SCUBE3: variants seen among roughly 807,000 people sequenced by gnomAD.
The protein encoded by SCUBE3 is signal peptide, CUB and EGF-like domain-containing protein 3.
Under a neutral mutation model 116.8 loss-of-function variants are expected in SCUBE3, and 33 were observed. The ratio of observed to expected loss-of-function variants is 0.28; its 90% CI spans 0.21 to 0.38. The LOEUF (loss-of-function observed/expected upper bound fraction) is 0.38, where lower values mean the gene tolerates loss of function less well. Ranked by LOEUF, SCUBE3 falls within the 10% of genes least tolerant of loss-of-function variation. The pLI is 1.00. For missense variants in SCUBE3, 1,007 were observed against 1,324.8 expected, an observed-to-expected ratio of 0.76 and a Z score of 3.72; for synonymous variants, 418 against 496.9, an observed-to-expected ratio of 0.84 and a Z score of 2.11.
intron 6 of SCUBE3, among the ~76,000 whole-genome samples, chr6:35,237,562 C>T (rs1300280113): frequency 2.6e-5 from 4 of 152,160 alleles, no homozygotes; most frequent in Non-Finnish European, 5.9e-5. Context: ...CCTCACTTAG[C>T]TCCCATCCCT....
At position 35,235,540 on chromosome 6, in the gene SCUBE3, G is replaced by C. The variant is rs562474223; in HGVS notation, c.712+2239G>C. 8.7e-7 allele frequency: 1 copy of C among 1,144,738 alleles called. No homozygotes were observed. Among genetic ancestry groups the C allele is most frequent in the African/African-American group, 1.6e-5 (1 of 63,568 alleles). 70.9% of individuals were successfully genotyped at this position (1,144,738 alleles called of 1,614,324 possible). On this transcript the variant is annotated intron_variant, in intron 6 of 21. Transcript: ENST00000274938. The surrounding 1 kb of genome is among the most constrained non-coding windows in gnomAD (Gnocchi z 4.5). ...GCTTGCTCTCACTGGCTTGCTAGGG[G>C]AAGGGCTAACCCGCTGGGGCTCCCA...
At chr6:35,247,729 C>G (rs1031168526) in intron 21 of SCUBE3, among the ~76,000 whole-genome samples, 2 of 152,140 alleles carry the variant, frequency 1.3e-5, no homozygotes, top group Non-Finnish European at 2.9e-5. Flanking sequence ...AGGCTGAAAC[C>G]CCTACTTCTT....
At position 35,228,064 on chromosome 6, in the gene SCUBE3, G is replaced by T. The variant is rs1783398155; in HGVS notation, c.208+362G>T. On this transcript the variant is annotated intron_variant, in intron 2 of 21. Coordinates refer to ENST00000274938, the MANE Select transcript of SCUBE3 (RefSeq NM_152753.4). The surrounding 1 kb of genome is among the most constrained non-coding windows in gnomAD (Gnocchi z 4.9). Reference sequence around the variant, plus strand: ...TGGGAACAGAAAGTGTGCTTCAGAGGAAGTTCATAATGTAAACACATCTTC... The same window carrying T: ...TGGGAACAGAAAGTGTGCTTCAGAGTAAGTTCATAATGTAAACACATCTTC... Among the ~76,000 whole-genome samples, 1 of 152,196 alleles carries T rather than the reference G, an allele frequency of 6.6e-6. No homozygotes were observed. The highest frequency in any genetic ancestry group is 1.5e-5 in the Non-Finnish European group (1 of 68,040).
In SCUBE3 at chr6:35,241,975, C is replaced by T. The variant is rs74735155; in HGVS notation, c.1417+65C>T. 2.0e-3 allele frequency: 2,310 copies of T among 1,176,260 alleles called. 9 individuals carry two copies. Among genetic ancestry groups the T allele is most frequent in the Non-Finnish European group, 2.5e-3 (1,953 of 790,678 alleles). The allele number at this position is 1,176,260 out of a possible 1,614,324, so 72.9% of individuals were successfully genotyped here. A position where few individuals can be genotyped will look rare whatever the true frequency, so the allele number is the denominator to read the frequency against. Reference sequence around the variant, plus strand: ...CTTACATTAATCCCTTATTTTTGTTCTTCATCAATCCCCTGGCCTTCCTTT... The same window carrying T: ...CTTACATTAATCCCTTATTTTTGTTTTTCATCAATCCCCTGGCCTTCCTTT... On this transcript the variant is annotated intron_variant, in intron 12 of 21. Transcript: ENST00000274938. The surrounding 1 kb of genome is among the most constrained non-coding windows in gnomAD (Gnocchi z 4.1).
chr6:35,231,878 A>T lies in SCUBE3; in HGVS notation c.469+19A>T, dbSNP rs1004142583. 6.3e-7 allele frequency: 1 copy of T among 1,595,512 alleles called. No individual in the cohort carries two copies. Among genetic ancestry groups the T allele is most frequent in the African/African-American group, 1.3e-5 (1 of 74,608 alleles). On this transcript the variant is annotated intron_variant, in intron 4 of 21. Coordinates refer to ENST00000274938, the MANE Select transcript of SCUBE3 (RefSeq NM_152753.4). The surrounding 1 kb of genome is among the most constrained non-coding windows in gnomAD (Gnocchi z 4.2). ...CCAGAAGGTCAGCCCATGACCTGGG[A>T]TGGCCCCATCCCTGCCCTCCCCAGG...
rs777917506 is a variant in SCUBE3, at chr6:35,244,817, T to G, written c.2401+6T>G. On this transcript the variant is annotated splice_donor_region_variant and intron_variant, in intron 18 of 21. Transcript: ENST00000274938. This position sits in a 1 kb window ranked among gnomAD's most constrained non-coding sequence, Gnocchi z 4.3. ...CAGTGTGGCCCAATGCAAGAGTACG[T>G]GGCAAGCCAGGCTGTGCAAAAGGGA... 1.2e-6 allele frequency: 2 copies of G among 1,613,928 alleles called. No individual in the cohort carries two copies.
At position 35,231,813 on chromosome 6, in the gene SCUBE3, C is replaced by T. The variant is rs1581924050; in HGVS notation, c.423C>T (p.Gly141=). The change falls in exon 4 of 22, where the codon GGC becomes GGT. Residue 141 remains glycine, a synonymous_variant. Transcript: ENST00000274938. The surrounding 1 kb of genome is among the most constrained non-coding windows in gnomAD (Gnocchi z 4.2). ...MGSYECHCRE[G]FFLSDNQHTC... is the part of the protein sequence containing the mutation. ...GCTATGAGTGCCACTGCCGGGAAGG[C>T]TTCTTCCTCAGCGACAACCAGCATA... 1.2e-6 allele frequency: 2 copies of T among 1,613,660 alleles called. No individual in the cohort carries two copies.
Position 35,240,293 on chromosome 6 carries a change from G to A in SCUBE3, c.953-81G>A. ...CTTCAGTTCAAGGGGGAAAGCCAAGGCCCCTCACTTGGGTCCTTCACCTGA... is the reference window on the plus strand; with the variant it reads ...CTTCAGTTCAAGGGGGAAAGCCAAGACCCCTCACTTGGGTCCTTCACCTGA... On this transcript the variant is annotated intron_variant, in intron 8 of 21. Coordinates refer to ENST00000274938, the MANE Select transcript of SCUBE3 (RefSeq NM_152753.4). This position sits in a 1 kb window ranked among gnomAD's most constrained non-coding sequence, Gnocchi z 4.6. 1.4e-6 allele frequency: 1 copy of A among 727,964 alleles called. No individual in the cohort carries two copies. The allele number at this position is 727,964 out of a possible 1,614,324, so 45.1% of individuals were successfully genotyped here.
In SCUBE3 at chr6:35,231,518, C is replaced by T. The variant is rs975918893; in HGVS notation, c.335-207C>T. On this transcript the variant is annotated intron_variant, in intron 3 of 21. Transcript: ENST00000274938. This position sits in a 1 kb window ranked among gnomAD's most constrained non-coding sequence, Gnocchi z 4.2. ...TGAGGTTCAAAGGTCCCCTTTTCCC[C>T]CACTTGCTTAGCTTCCCAGCTCTGC... Among the ~76,000 whole-genome samples the T allele has an allele frequency of 1.3e-5, 2 of 152,176 alleles. No individual in the cohort carries two copies. The highest frequency in any genetic ancestry group is 4.8e-5 in the African/African-American group (2 of 41,438).
intron 7 of SCUBE3, among the ~76,000 whole-genome samples, chr6:35,238,815 T>C (rs1783893672): frequency 6.6e-6 from 1 of 152,144 alleles, no homozygotes; most frequent in Admixed American, 6.5e-5. Context: ...ATTAGGTCCA[T>C]ATCCCCTGGT....
chr6:35,226,480 C>CTTTTTTTTTTTTTTTTTTTTTTTTTTTTT (rs764779695), intron 1 of SCUBE3, among the ~76,000 whole-genome samples: 1 of 85,234 alleles, frequency 1.2e-5, no homozygotes, highest in East Asian at 5.0e-4. Context: ...TTTCTATGTC[C>CTTTTTTTTTTTTTTTTTTTTTTTTTTTTT]TTTTTTTTTT....
Position 35,214,551 on chromosome 6 carries a change from C to A in SCUBE3, c.85+48C>A. The stretch of plus-strand genomic sequence containing the variant: ...CCTGGGGGCTGTCCTGGCTGCTGGG[C>A]CTCAGGGCCTAGGAGCGATTCCCGA... On this transcript the variant is annotated intron_variant, in intron 1 of 21. Coordinates refer to ENST00000274938, the MANE Select transcript of SCUBE3 (RefSeq NM_152753.4). The surrounding 1 kb of genome is among the most constrained non-coding windows in gnomAD (Gnocchi z 6.3). The A allele has an allele frequency of 1.6e-6, 2 of 1,256,568 alleles. No individual in the cohort carries two copies. The highest frequency in any genetic ancestry group is 1.5e-5 in the South Asian group (1 of 64,650). 77.8% of individuals were successfully genotyped at this position (1,256,568 alleles called of 1,614,324 possible).
At chr6:35,242,874 C>G (rs1031553218) in intron 14 of SCUBE3, 94 bp downstream of exon 14, 1 of 1,532,832 alleles carries the variant, frequency 6.5e-7, no homozygotes, top group Non-Finnish European at 9.0e-7. Context: ...GGGATGGAGC[C>G]TGTACTAGGG....
Position 35,231,652 on chromosome 6 carries a change from G to A in SCUBE3, c.335-73G>A, listed in dbSNP as rs1783552970. The A allele has an allele frequency of 7.3e-7, 1 of 1,371,886 alleles. No homozygotes were observed. Among genetic ancestry groups the A allele is most frequent in the Admixed American group, 2.0e-5 (1 of 49,520 alleles). The allele number at this position is 1,371,886 out of a possible 1,614,324, so 85.0% of individuals were successfully genotyped here. On this transcript the variant is annotated intron_variant, in intron 3 of 21. Coordinates refer to ENST00000274938, the MANE Select transcript of SCUBE3 (RefSeq NM_152753.4). The surrounding 1 kb of genome is among the most constrained non-coding windows in gnomAD (Gnocchi z 4.2). ...GTAGTAGTTCTTAAGACTGCCTTTGGTGCTGAAGTCTTGGGATATACCCTG... is the reference window on the plus strand; with the variant it reads ...GTAGTAGTTCTTAAGACTGCCTTTGATGCTGAAGTCTTGGGATATACCCTG...
intron 1 of SCUBE3, among the ~76,000 whole-genome samples, chr6:35,215,040 G>A (rs1244685476): frequency 1.3e-5 from 2 of 152,178 alleles, no homozygotes; most frequent in Non-Finnish European, 2.9e-5. Flanking sequence ...ATCTCTCACC[G>A]GATGGTAGGG....
At position 35,223,640 on chromosome 6, in the gene SCUBE3, C is replaced by T. The variant is rs1187273653; in HGVS notation, c.86-3940C>T. On this transcript the variant is annotated intron_variant, in intron 1 of 21. Transcript: ENST00000274938. ...CAGTGTGTAGCCCCAGGGTTGAGAA[C>T]CGCTGGTTTAAACCAGTCCACACCC... The T allele has an allele frequency of 3.9e-5, 6 of 152,178 alleles. No individual in the cohort carries two copies. In the South Asian group the frequency reaches 1.2e-3, roughly 31 times the overall value. The allele number at this position is 152,178 out of a possible 1,614,324, so 9.4% of individuals were successfully genotyped here. A position where few individuals can be genotyped will look rare whatever the true frequency, so the allele number is the denominator to read the frequency against.
In SCUBE3 at chr6:35,240,980, G is replaced by A. The variant is rs532540224; in HGVS notation, c.1070-161G>A. 3.3e-4 allele frequency among the ~76,000 whole-genome samples: 51 copies of A among 152,296 alleles called. No homozygotes were observed. In the South Asian group the frequency reaches 9.3e-3, roughly 28 times the overall value. Reference sequence around the variant, plus strand: ...TAAGTGTACACTACAGTATTTATGTGCCTATAGGCACACTGTTGTACAGTA... The same window carrying A: ...TAAGTGTACACTACAGTATTTATGTACCTATAGGCACACTGTTGTACAGTA... On this transcript the variant is annotated intron_variant, in intron 9 of 21. Transcript: ENST00000274938. The surrounding 1 kb of genome is among the most constrained non-coding windows in gnomAD (Gnocchi z 4.6).
At position 35,214,529 on chromosome 6, in the gene SCUBE3, G is replaced by A; in HGVS notation, c.85+26G>A. ...GTAAGGAAGGAGGGGCGCGCGGCCT[G>A]GGGGCTGTCCTGGCTGCTGGGCCTC... On this transcript the variant is annotated intron_variant, in intron 1 of 21. Coordinates refer to ENST00000274938, the MANE Select transcript of SCUBE3 (RefSeq NM_152753.4). The surrounding 1 kb of genome is among the most constrained non-coding windows in gnomAD (Gnocchi z 6.3). The A allele has an allele frequency of 7.0e-7, 1 of 1,421,742 alleles. No homozygotes were observed. The highest frequency in any genetic ancestry group is 9.3e-7 in the Non-Finnish European group (1 of 1,075,538). The allele number at this position is 1,421,742 out of a possible 1,614,324, so 88.1% of individuals were successfully genotyped here.
At chr6:35,222,448 G>A (rs758116779) in intron 1 of SCUBE3, 2 of 152,264 alleles carry the variant, frequency 1.3e-5, no homozygotes, top group Non-Finnish European at 2.9e-5. Context: ...TGCTCTGCTA[G>A]GCGCTAAAGC....
Sources: gnomAD v4.1 joint callset for allele counts (sites outside exome capture counted in the v4.1 genomes callset) on GRCh38, gnomAD v4.1.1 for gene constraint, Gnocchi (gnomAD v3.1) non-coding constraint, MANE v1.5 for transcripts, NCBI Gene and HGNC (gene_info 2026-07-23, HGNC 2026-07-21) for gene names.